Variants in MAPKAPK3 observed in about 807,000 individuals in gnomAD.
The protein encoded by MAPKAPK3 is MAP kinase-activated protein kinase 3.
Under a neutral mutation model 49.2 loss-of-function variants are expected in MAPKAPK3, and 35 were observed. That is an observed-to-expected ratio of 0.71 (90% CI 0.54 to 0.94). The LOEUF is 0.94. Among genes scored for constraint, MAPKAPK3 ranks in the 40% least tolerant of loss-of-function variants. The pLI is 0.00. For missense variants in MAPKAPK3, 398 were observed against 493.1 expected, an observed-to-expected ratio of 0.81 and a Z score of 1.83; for synonymous variants, 178 against 188.7, an observed-to-expected ratio of 0.94 and a Z score of 0.46.
At position 50,644,412 on chromosome 3, in the gene MAPKAPK3, G is replaced by A; in HGVS notation, c.508G>A (p.Glu170Lys). Residue 170 changes from glutamate to lysine, a missense_variant, in exon 6 of 11, where the codon GAA becomes AAA. Physicochemically the swap from Glu to Lys is moderately conservative, Grantham distance 56. Coordinates refer to ENST00000621469, the MANE Select transcript of MAPKAPK3 (RefSeq NM_001243925.2). ...HNIAHRDVKP[E>K]NLLYTSKEKD... Reference sequence around the variant, plus strand: ...ATGTTTTCTCTTTCTGGCCCAGCCTGAAAACCTACTCTACACATCTAAGGA... The same window carrying A: ...ATGTTTTCTCTTTCTGGCCCAGCCTAAAAACCTACTCTACACATCTAAGGA... 6.2e-7 allele frequency: 1 copy of A among 1,614,100 alleles called. No homozygotes were observed. Among genetic ancestry groups the A allele is most frequent in the Non-Finnish European group, 8.5e-7 (1 of 1,179,958 alleles).
chr3:50,629,817 G>A (rs1041585011), intron 2 of MAPKAPK3, among the ~76,000 whole-genome samples: 1 of 152,192 alleles, frequency 6.6e-6, no homozygotes, highest in Non-Finnish European at 1.5e-5. Context: ...GTTGTCTGGG[G>A]CTGGTGGGAA....
intron 2 of MAPKAPK3, among the ~76,000 whole-genome samples, chr3:50,637,693 A>AAGAGAGAGAGAGAGAGAGAG: frequency 6.9e-6 from 1 of 145,006 alleles, no homozygotes; most frequent in East Asian, 2.1e-4. Context: ...CAGAGAGAGA[A>AAGAGAGAGAGAGAGAGAGAG]AGAGAGAGAG....
At chr3:50,614,991 G>T (rs890453916), upstream of MAPKAPK3, among the ~76,000 whole-genome samples, 1 of 152,234 alleles carries the variant, frequency 6.6e-6, no homozygotes, top group African/African-American at 2.4e-5. Context: ...TATAAAATTT[G>T]TAGAGCAATT....
At chr3:50,624,557 C>T (rs1417268261) in intron 2 of MAPKAPK3, among the ~76,000 whole-genome samples, 1 of 152,112 alleles carries the variant, frequency 6.6e-6, no homozygotes, top group Non-Finnish European at 1.5e-5. Flanking sequence ...TCCTGGGTCA[C>T]TTGGGCTGTT....
Position 50,646,336 on chromosome 3 carries a change from G to A in MAPKAPK3, c.829+72G>A, listed in dbSNP as rs566403856. 12 of 1,599,204 alleles carry A rather than the reference G, an allele frequency of 7.5e-6. No homozygotes were observed. In the South Asian group the frequency reaches 1.3e-4, roughly 18 times the overall value. On this transcript the variant is annotated intron_variant, in intron 8 of 10. Transcript: ENST00000621469. ...CTTTCATTCTGGGAAACATCACTTT[G>A]GTGTCAAACTGACCTGTGTTCAAAT...
intron 2 of MAPKAPK3, among the ~76,000 whole-genome samples, chr3:50,625,321 G>A (rs776405858): frequency 2.0e-5 from 3 of 152,126 alleles, no homozygotes; most frequent in Admixed American, 6.5e-5. Flanking sequence ...ACTTGGGTGC[G>A]CCCTGCACCT....
intron 3 of MAPKAPK3, among the ~76,000 whole-genome samples, chr3:50,641,182 G>A (rs1411845422): frequency 6.6e-6 from 1 of 152,142 alleles, no homozygotes; most frequent in African/African-American, 2.4e-5. Flanking sequence ...CATGTGTATT[G>A]CATATTCAAT....
At position 50,641,743 on chromosome 3, in the gene MAPKAPK3, G is replaced by A; in HGVS notation, c.396G>A (p.Glu132=). Residue 132 remains glutamate (E), a synonymous_variant, in exon 4 of 11, where the codon GAG becomes GAA. Transcript: ENST00000621469. The stretch of plus-strand genomic sequence containing the variant: ...GTGAGTTGTTCAGCAGGATTCAGGA[G>A]CGTGGCGACCAGGCTTTCACTGAGA... The part of the protein sequence containing the change: ...EGGELFSRIQ[E]RGDQAFTERE... 5 of 1,614,210 alleles carry A rather than the reference G, an allele frequency of 3.1e-6. No homozygotes were observed. The highest frequency in any genetic ancestry group is 4.2e-6 in the Non-Finnish European group (5 of 1,180,026).
At chr3:50,647,306 A>G in intron 10 of MAPKAPK3, 103 bp downstream of exon 10, 2 of 881,302 alleles carry the variant, frequency 2.3e-6, no homozygotes, top group South Asian at 1.6e-5. Flanking sequence ...GCCCCTTTCT[A>G]TACCTGGAGC....
intron 2 of MAPKAPK3, among the ~76,000 whole-genome samples, chr3:50,632,858 C>T (rs2032946133): frequency 6.6e-6 from 1 of 152,208 alleles, no homozygotes; most frequent in South Asian, 2.1e-4. Context: ...ACTGTGGGCA[C>T]TTTAACTTGA....
chr3:50,647,582 G>C (rs1424959881), intron 10 of MAPKAPK3, among the ~76,000 whole-genome samples: 1 of 152,276 alleles, frequency 6.6e-6, no homozygotes, highest in Non-Finnish European at 1.5e-5. Context: ...GTTGCCCAGC[G>C]AGATGGCATT....
chr3:50,646,261 G>A lies in MAPKAPK3; in HGVS notation c.826G>A (p.Asp276Asn). The change falls in exon 8 of 11, where the codon GAT (aspartate) becomes AAT (asparagine). Residue 276 changes from aspartate to asparagine, a missense_variant. This residue lies in a region of MAPKAPK3 where 152 missense variants were observed against 177.3 expected (regional missense o/e 0.86). Coordinates refer to ENST00000621469, the MANE Select transcript of MAPKAPK3 (RefSeq NM_001243925.2). The stretch of plus-strand genomic sequence containing the variant: ...TCCTGAGTGGTCAGAAGTCTCTGAG[G>A]ATGGTGAGTGAACCTCTCTGTCCCA... ...PNPEWSEVSE[D>N]AKQLIRLLLK... is the part of the protein sequence containing the mutation. The A allele has an allele frequency of 6.2e-7, 1 of 1,614,126 alleles. No homozygotes were observed. Among genetic ancestry groups the A allele is most frequent in the Non-Finnish European group, 8.5e-7 (1 of 1,180,014 alleles).
At chr3:50,616,597 G>A (rs1474122112), upstream of MAPKAPK3, among the ~76,000 whole-genome samples, 1 of 152,160 alleles carries the variant, frequency 6.6e-6, no homozygotes, top group African/African-American at 2.4e-5. Context: ...GCGAGTCAAG[G>A]GCATAAGCGG....
At chr3:50,629,047 T>G (rs577310819) in intron 2 of MAPKAPK3, among the ~76,000 whole-genome samples, 2 of 152,206 alleles carry the variant, frequency 1.3e-5, no homozygotes, top group Non-Finnish European at 2.9e-5. Flanking sequence ...TGTTGTGGGT[T>G]TCTGTTCTTT....
At chr3:50,645,860 C>A (rs1054481941) in intron 7 of MAPKAPK3, 75 bp downstream of exon 7, 1 of 1,293,972 alleles carries the variant, frequency 7.7e-7, no homozygotes, top group South Asian at 1.2e-5. Context: ...CCACTTCTGT[C>A]CCCCCACCCC....
At chr3:50,618,729 C>T (rs1303176421) in intron 2 of MAPKAPK3, among the ~76,000 whole-genome samples, 1 of 151,912 alleles carries the variant, frequency 6.6e-6, no homozygotes, top group African/African-American at 2.4e-5. Flanking sequence ...CTCACTCTGT[C>T]GCCAGGCTGG....
At chr3:50,642,714 C>T (rs2033203854) in intron 5 of MAPKAPK3, among the ~76,000 whole-genome samples, 1 of 152,158 alleles carries the variant, frequency 6.6e-6, no homozygotes, top group Non-Finnish European at 1.5e-5. Context: ...AGTGACTTGC[C>T]CAGGGGCTGT....
exon 1 of MAPKAPK3, chr3:50,611,935 T>G (rs1481269130): frequency 1.8e-5 from 8 of 435,464 alleles, no homozygotes; most frequent in Non-Finnish European, 3.2e-5. Flanking sequence ...CCGGGCGGGG[T>G]GCGCGGGCCC....
At chr3:50,636,550 G>T (rs2033045151) in intron 2 of MAPKAPK3, among the ~76,000 whole-genome samples, 1 of 152,192 alleles carries the variant, frequency 6.6e-6, no homozygotes, top group Non-Finnish European at 1.5e-5. Context: ...GGAAGTTTGG[G>T]TCCCAAGGGT....
Sources: gnomAD v4.1 joint callset for allele counts (sites outside exome capture counted in the v4.1 genomes callset) on GRCh38, gnomAD v4.1.1 for gene constraint, gnomAD v4.1.1 regional missense constraint, MANE v1.5 for transcripts, NCBI Gene and HGNC (gene_info 2026-07-23, HGNC 2026-07-21) for gene names.